Variants in FSCN2 observed in about 807,000 individuals in gnomAD.
The protein encoded by FSCN2 is fascin-2.
FSCN2 carries 46 observed loss-of-function variants against 37.8 expected under a neutral mutation model. That is an observed-to-expected ratio of 1.22 (90% CI 0.96 to 1.56). FSCN2 has a LOEUF of 1.56. FSCN2 is among the 40% of genes most tolerant of loss of function. The pLI is 0.00. For synonymous variants in FSCN2, 351 were observed against 309.4 expected, an observed-to-expected ratio of 1.13 and a Z score of -1.41; for missense variants, 844 against 730.4, an observed-to-expected ratio of 1.16 and a Z score of -1.79.
Position 81,535,163 on chromosome 17 carries a change from G to T in FSCN2, c.938G>T (p.Trp313Leu). ...CTFYSSTGGY[W>L]TLVTHGGIHA... The stretch of plus-strand genomic sequence containing the variant: ...TTCTATTCCAGCACTGGGGGCTACT[G>T]GACCCTGGTCACCCATGGGGGCATT... Residue 313 changes from tryptophan (W) to leucine (L), a missense_variant, in exon 2 of 5, where the codon TGG (tryptophan) becomes TTG (leucine). Coordinates refer to ENST00000417245, the MANE Select transcript of FSCN2 (RefSeq NM_012418.4). The T allele has an allele frequency of 6.5e-7, 1 of 1,533,648 alleles. No homozygotes were observed. The highest frequency in any genetic ancestry group is 8.7e-7 in the Non-Finnish European group (1 of 1,145,440).
At chr17:81,531,306 G>GGTGGTGA (rs2032559779) in intron 1 of FSCN2, among the ~76,000 whole-genome samples, 2 of 42,590 alleles carry the variant, frequency 4.7e-5, no homozygotes, top group African/African-American at 2.3e-4. Flanking sequence ...GATGGTGATG[G>GGTGGTGA]TGGTGGTGGT....
At chr17:81,532,446 ATGG>A (rs750905859) in intron 1 of FSCN2, among the ~76,000 whole-genome samples, 29,224 of 130,596 alleles carry the variant, frequency 0.22, 3,861 homozygotes, top group Non-Finnish European at 0.28. Context: ...GGTGATGATG[ATGG>A]TGATGGTGGT....
At chr17:81,531,748 TA>T (rs2032628596) in intron 1 of FSCN2, among the ~76,000 whole-genome samples, 1 of 113,268 alleles carries the variant, frequency 8.8e-6, no homozygotes, top group East Asian at 3.3e-4. Context: ...ATGGTGATGA[TA>T]GTGATGGCGA....
the FSCN2 span, among the ~76,000 whole-genome samples, chr17:81,522,833 C>A: frequency 1.3e-5 from 2 of 152,216 alleles, no homozygotes; most frequent in African/African-American, 4.8e-5. Context: ...ACTCTAAGCC[C>A]CAAGCAGCCA....
At chr17:81,535,921 G>GCACCATCACTCCCACCACCAT (rs2032862370) in intron 2 of FSCN2, among the ~76,000 whole-genome samples, 1 of 143,274 alleles carries the variant, frequency 7.0e-6, no homozygotes, top group Non-Finnish European at 1.5e-5. Flanking sequence ...CCCATCACCT[G>GCACCATCACTCCCACCACCAT]CACCATCACT....
At chr17:81,518,300 A>G in the FSCN2 span, among the ~76,000 whole-genome samples, 1 of 151,952 alleles carries the variant, frequency 6.6e-6, no homozygotes, top group African/African-American at 2.4e-5. Context: ...GCCCTAGAGC[A>G]TTGGTTCTTG....
Position 81,536,595 on chromosome 17 carries a change from C to A in FSCN2, c.1106-27C>A, listed in dbSNP as rs762168526. ...TGGACAGGGAAGGTGGCGGGAGGGG[C>A]AGCGCAGCAGACGCTCTCCCCGCCA... On this transcript the variant is annotated intron_variant, in intron 3 of 4. Coordinates refer to ENST00000417245, the MANE Select transcript of FSCN2 (RefSeq NM_012418.4). 4.4e-6 allele frequency: 7 copies of A among 1,605,032 alleles called. No individual in the cohort carries two copies. The South Asian group carries it at 7.7e-5, about 18-fold the overall frequency.
intron 1 of FSCN2, among the ~76,000 whole-genome samples, chr17:81,531,510 A>ATGGTGATGGTGGTGG (rs1568077549): frequency 1.3e-4 from 12 of 89,434 alleles, no homozygotes; most frequent in African/African-American, 5.1e-4. Flanking sequence ...GATGGTGGTG[A>ATGGTGATGGTGGTGG]TGGTGATGGT....
intron 1 of FSCN2, among the ~76,000 whole-genome samples, chr17:81,534,071 G>A (rs1018153764): frequency 5.3e-5 from 8 of 152,202 alleles, no homozygotes; most frequent in East Asian, 1.9e-4. Flanking sequence ...ACGAATACTC[G>A]GTCACAGTGC....
Position 81,529,194 on chromosome 17 carries a change from C to G in FSCN2, c.663C>G (p.Phe221Leu), listed in dbSNP as rs374822744. ...TLEFKAGKLA[F>L]KDCDGHYLAP... is the part of the protein sequence containing the mutation. Reference sequence around the variant, plus strand: ...AGTTCAAGGCGGGCAAGCTGGCCTTCAAGGACTGCGACGGCCACTACCTGG... The same window carrying G: ...AGTTCAAGGCGGGCAAGCTGGCCTTGAAGGACTGCGACGGCCACTACCTGG... The change falls in exon 1 of 5, where the codon TTC becomes TTG. Residue 221 changes from phenylalanine (F) to leucine (L), a missense_variant. Physicochemically the swap from Phe to Leu is conservative, Grantham distance 22. Coordinates refer to ENST00000417245, the MANE Select transcript of FSCN2 (RefSeq NM_012418.4). 6.3e-7 allele frequency: 1 copy of G among 1,596,582 alleles called. No homozygotes were observed. Among genetic ancestry groups the G allele is most frequent in the Non-Finnish European group, 8.5e-7 (1 of 1,172,760 alleles).
intron 1 of FSCN2, among the ~76,000 whole-genome samples, chr17:81,531,431 G>GGT (rs2032584636): frequency 2.3e-5 from 2 of 88,634 alleles, no homozygotes; most frequent in Admixed American, 1.1e-4. Flanking sequence ...TAGTGATGAT[G>GGT]GAGATGGTGG....
the FSCN2 span, among the ~76,000 whole-genome samples, chr17:81,515,074 G>T: frequency 6.6e-6 from 1 of 151,800 alleles, no homozygotes; most frequent in Non-Finnish European, 1.5e-5. Flanking sequence ...AGCCTGGGGA[G>T]TCCCGGGACC....
At chr17:81,522,914 G>T in the FSCN2 span, among the ~76,000 whole-genome samples, 1 of 152,244 alleles carries the variant, frequency 6.6e-6, no homozygotes, top group Non-Finnish European at 1.5e-5. Context: ...GGGCTCAGGG[G>T]TTGGAGGCTC....
At chr17:81,517,160 C>T in the FSCN2 span, among the ~76,000 whole-genome samples, 5 of 152,046 alleles carry the variant, frequency 3.3e-5, no homozygotes, top group Non-Finnish European at 7.4e-5. Context: ...TCCCCTGCCC[C>T]GCCCCACCCC....
At chr17:81,531,516 A>ATGGTGGTGATGGTGG (rs2032600053) in intron 1 of FSCN2, among the ~76,000 whole-genome samples, 2 of 96,986 alleles carry the variant, frequency 2.1e-5, no homozygotes, top group Admixed American at 1.0e-4. Context: ...GGTGATGGTG[A>ATGGTGGTGATGGTGG]TGGTGGTGAT....
At position 81,537,077 on chromosome 17, in the gene FSCN2, C is replaced by T. The variant is rs1307840912; in HGVS notation, c.1476C>T (p.Tyr492=). The T allele has an allele frequency of 6.9e-6, 10 of 1,443,924 alleles. No individual in the cohort carries two copies. Among genetic ancestry groups the T allele is most frequent in the Middle Eastern group, 1.9e-4 (1 of 5,228 alleles). 89.4% of individuals were successfully genotyped at this position (1,443,924 alleles called of 1,614,324 possible). A position where few individuals can be genotyped will look rare whatever the true frequency, so the allele number is the denominator to read the frequency against. ...DAPAGTALWE[Y] ...CGGCCGGGACCGCGCTTTGGGAGTA[C>T]TGAGGCCGCGCCCAGACCAGCCTGT... Residue 492 remains tyrosine, a synonymous_variant, in exon 5 of 5, where the codon TAC becomes TAT. Coordinates refer to ENST00000417245, the MANE Select transcript of FSCN2 (RefSeq NM_012418.4).
At chr17:81,533,175 G>A (rs369247462) in intron 1 of FSCN2, among the ~76,000 whole-genome samples, 19 of 152,274 alleles carry the variant, frequency 1.2e-4, no homozygotes, top group Admixed American at 5.9e-4. Flanking sequence ...CTGGCTGGGC[G>A]GCCCCTAACC....
In FSCN2 at chr17:81,532,623, GTGA is replaced by G. The variant is rs1398758372; in HGVS notation, c.827-2423_827-2421del. 5.1e-3 allele frequency among the ~76,000 whole-genome samples: 727 copies of G among 143,242 alleles called. 8 individuals are homozygous for G. Among genetic ancestry groups the G allele is most frequent in the Middle Eastern group, 0.018 (5 of 282 alleles). 94.0% of individuals were successfully genotyped at this position (143,242 alleles called of 152,430 possible). A position where few individuals can be genotyped will look rare whatever the true frequency, so the allele number is the denominator to read the frequency against. On this transcript the variant is annotated intron_variant, in intron 1 of 4. Coordinates refer to ENST00000417245, the MANE Select transcript of FSCN2 (RefSeq NM_012418.4). ...GATGATGGTGATGGTGATGATAATG[GTGA>G]TGATGGTGATGGTGATGATGGTGGT...
At chr17:81,536,382 G>A (rs2032878173) in intron 3 of FSCN2, 115 bp downstream of exon 3, 3 of 1,458,074 alleles carry the variant, frequency 2.1e-6, no homozygotes, top group South Asian at 1.3e-5. Flanking sequence ...CACGGAACGG[G>A]TGCTGTCATG....
Sources: gnomAD v4.1 joint callset for allele counts (sites outside exome capture counted in the v4.1 genomes callset) on GRCh38, gnomAD v4.1.1 for gene constraint, MANE v1.5 for transcripts, NCBI Gene and HGNC (gene_info 2026-07-23, HGNC 2026-07-21) for gene names.